The following SYCE1L variants were observed in gnomAD, a reference collection of about 807,000 sequenced individuals.
SYCE1L encodes synaptonemal complex central element protein 1-like.
In SYCE1L, 51 loss-of-function variants were observed where a neutral mutation model predicts 39.6. The observed-to-expected ratio is 1.29, with a 90% CI of 1.03 to 1.63. SYCE1L has a LOEUF of 1.63. SYCE1L is among the 40% of genes most tolerant of loss of function. The pLI is 0.00. For synonymous variants in SYCE1L, 147 were observed against 122.4 expected (o/e 1.20, Z -1.33); for missense variants, 426 against 304.9 (o/e 1.40, Z -2.96).
chr16:77,211,125 G>A, intron 6 of SYCE1L, 88 bp from the exon 7 acceptor site: 1 of 1,409,864 alleles, frequency 7.1e-7, no homozygotes, highest in Non-Finnish European at 9.8e-7. Flanking sequence ...GGGAGCATGG[G>A]CAGGATCTGA....
chr16:77,212,777 G>A (rs1208812235), intron 10 of SYCE1L, 80 bp from the exon 11 acceptor site: 6 of 1,420,612 alleles, frequency 4.2e-6, no homozygotes, highest in Non-Finnish European at 5.5e-6. Flanking sequence ...AGAGGAAGCC[G>A]CGGTGGAGGC....
At chr16:77,211,594 A>G (rs1212081072) in intron 7 of SYCE1L, among the ~76,000 whole-genome samples, 5 of 152,124 alleles carry the variant, frequency 3.3e-5, no homozygotes, top group African/African-American at 1.2e-4. Flanking sequence ...TGGTCAGGTC[A>G]TTCCTTCATT....
chr16:77,200,274 G>GTATATATATATATATATATA (rs1229854135), intron 1 of SYCE1L: 6 of 113,562 alleles, frequency 5.3e-5, no homozygotes, highest in African/African-American at 1.7e-4. Flanking sequence ...ATATATATGT[G>GTATATATATATATATATATA]TATATATATA....
At chr16:77,202,059 T>A (rs2142511094) in intron 1 of SYCE1L, 1 of 152,360 alleles carries the variant, frequency 6.6e-6, no homozygotes, top group East Asian at 1.9e-4. Flanking sequence ...TGTTCTATTT[T>A]TTCTTCTAGA....
intron 6 of SYCE1L, among the ~76,000 whole-genome samples, chr16:77,210,843 G>A (rs2054817418): frequency 6.6e-6 from 1 of 152,180 alleles, no homozygotes; most frequent in African/African-American, 2.4e-5. Context: ...CTGCTGGAGT[G>A]AATGATGGGT....
chr16:77,212,880 T>A lies in SYCE1L; in HGVS notation c.678T>A (p.Ala226=). ...AGGCCGGACCTGAGCTCCCCCGCGC[T>A]CGCGACGAGGAGGATCCCGAGCCGC... The part of the protein sequence containing the change: ...EGEAGPELPR[A]RDEEDPEPPV... Residue 226 remains alanine (A), a synonymous_variant, in exon 11 of 11, where the codon GCT becomes GCA. Coordinates refer to ENST00000378644, the MANE Select transcript of SYCE1L (RefSeq NM_001129979.3). 6.6e-7 allele frequency: 1 copy of A among 1,520,172 alleles called. No homozygotes were observed. Among genetic ancestry groups the A allele is most frequent in the Non-Finnish European group, 8.8e-7 (1 of 1,135,594 alleles). 94.2% of individuals were successfully genotyped at this position (1,520,172 alleles called of 1,614,324 possible). A position where few individuals can be genotyped will look rare whatever the true frequency, so the allele number is the denominator to read the frequency against.
At chr16:77,206,172 C>T (rs565470931) in intron 1 of SYCE1L, among the ~76,000 whole-genome samples, 1 of 152,292 alleles carries the variant, frequency 6.6e-6, no homozygotes, top group East Asian at 1.9e-4. Context: ...TCTTCTCTCA[C>T]CCCTGAGTTT....
At chr16:77,201,509 A>T (rs2054742270) in intron 1 of SYCE1L, 1 of 152,310 alleles carries the variant, frequency 6.6e-6, no homozygotes, top group South Asian at 2.1e-4. Context: ...TGCCTCAGGG[A>T]AGAGAGCTGA....
chr16:77,204,203 C>T (rs541861808), intron 1 of SYCE1L, among the ~76,000 whole-genome samples: 28 of 152,254 alleles, frequency 1.8e-4, no homozygotes, highest in Non-Finnish European at 3.8e-4. Flanking sequence ...CACCAGGTAG[C>T]GTCTAGGTAG....
intron 1 of SYCE1L, chr16:77,201,024 T>C (rs906447633): frequency 2.6e-5 from 4 of 152,148 alleles, no homozygotes; most frequent in African/African-American, 9.7e-5. Flanking sequence ...GACCTACCCA[T>C]ACAGACATCA....
chr16:77,209,957 C>T (rs1193174887), intron 6 of SYCE1L, among the ~76,000 whole-genome samples: 1 of 152,196 alleles, frequency 6.6e-6, no homozygotes, highest in Admixed American at 6.5e-5. Context: ...ATGCATTCAT[C>T]CTCTCTTTAT....
At position 77,208,598 on chromosome 16, in the gene SYCE1L, G is replaced by A. The variant is rs907680116; in HGVS notation, c.256+59G>A. On this transcript the variant is annotated intron_variant, in intron 4 of 10. Transcript: ENST00000378644. The stretch of plus-strand genomic sequence containing the variant: ...TGCAGATGTTCCTGTGCATACCTCA[G>A]GGCCTTTGCACAGGCTGCTCCCTGG... The A allele has an allele frequency of 8.6e-6, 13 of 1,507,384 alleles. No homozygotes were observed. The South Asian group carries it at 1.5e-4, about 17-fold the overall frequency. 93.4% of individuals were successfully genotyped at this position (1,507,384 alleles called of 1,614,324 possible). A position where few individuals can be genotyped will look rare whatever the true frequency, so the allele number is the denominator to read the frequency against.
At chr16:77,203,411 G>A (rs2142512482) in intron 1 of SYCE1L, among the ~76,000 whole-genome samples, 1 of 111,216 alleles carries the variant, frequency 9.0e-6, no homozygotes, top group African/African-American at 2.6e-5. Flanking sequence ...ATTTATAAAG[G>A]ATTTCAGGCC....
chr16:77,200,291 T>TATATATATATATATATATACATAC lies in SYCE1L; in HGVS notation c.61+780_61+781insTATATATATATATATATACATACA. 11 of 111,436 alleles carry TATATATATATATATATATACATAC rather than the reference T, an allele frequency of 9.9e-5. 1 individual carries two copies. The East Asian group carries it at 2.2e-3, about 22-fold the overall frequency. The allele number at this position is 111,436 out of a possible 1,614,324, so 6.9% of individuals were successfully genotyped here. ...ATATATGTGTATATATATATATATA[T>TATATATATATATATATATACATAC]ACACACACTAATCAGCCGGGCGCGG... On this transcript the variant is annotated intron_variant, in intron 1 of 10. Transcript: ENST00000378644.
chr16:77,203,353 T>G (rs1432053009), intron 1 of SYCE1L, among the ~76,000 whole-genome samples: 2 of 152,102 alleles, frequency 1.3e-5, no homozygotes, highest in African/African-American at 2.4e-5. Context: ...TACATGTGTT[T>G]ATTATGTAAT....
chr16:77,209,420 C>T lies in SYCE1L; in HGVS notation c.308C>T (p.Ala103Val). ...LEEVLGKKQE[A>V]LRILQMHCQE... is the part of the protein sequence containing the mutation. Reference sequence around the variant, plus strand: ...CCCCTTGGTTCCTTCCCCACAGAGGCACTGAGGATCCTCCAGATGCACTGC... The same window carrying T: ...CCCCTTGGTTCCTTCCCCACAGAGGTACTGAGGATCCTCCAGATGCACTGC... Residue 103 changes from alanine (A) to valine (V), a missense_variant, in exon 6 of 11, where the codon GCA becomes GTA. Physicochemically the swap from Ala to Val is moderately conservative, Grantham distance 64 (BLOSUM62 0). Transcript: ENST00000378644. 6.4e-7 allele frequency: 1 copy of T among 1,551,690 alleles called. No individual in the cohort carries two copies. Among genetic ancestry groups the T allele is most frequent in the Non-Finnish European group, 8.7e-7 (1 of 1,146,984 alleles).
chr16:77,212,110 C>T lies in SYCE1L; in HGVS notation c.424-20C>T, dbSNP rs1422039456. On this transcript the variant is annotated intron_variant, in intron 7 of 10. Coordinates refer to ENST00000378644, the MANE Select transcript of SYCE1L (RefSeq NM_001129979.3). The stretch of plus-strand genomic sequence containing the variant: ...CCAAGAGGACGGCCAAACGGGGAGG[C>T]CTCCTCTTTGTCCTCGCAGATGCTG... 6.5e-7 allele frequency: 1 copy of T among 1,544,938 alleles called. No individual in the cohort carries two copies.
chr16:77,209,610 C>T (rs2142518837), intron 6 of SYCE1L, 139 bp downstream of exon 6: 1 of 863,216 alleles, frequency 1.2e-6, no homozygotes, highest in African/African-American at 1.7e-5. Flanking sequence ...CAAAAGATTT[C>T]CTTGGTTATC....
chr16:77,202,434 A>G (rs1030189445), intron 1 of SYCE1L: 1 of 151,920 alleles, frequency 6.6e-6, no homozygotes, highest in East Asian at 1.9e-4. Flanking sequence ...TTTGTAATGG[A>G]CTTTGTGTGT....
Sources: allele counts gnomAD v4.1 joint callset (sites outside exome capture counted in the v4.1 genomes callset), GRCh38; gene constraint gnomAD v4.1.1; transcripts MANE v1.5; gene names NCBI Gene and HGNC (gene_info 2026-07-23, HGNC 2026-07-21).